EYS: variants seen among roughly 807,000 people sequenced by gnomAD.
The protein encoded by EYS is EGF-like photoreceptor maintenance factor, also known as protein eyes shut homolog.
In EYS, 250 loss-of-function variants were observed where a neutral mutation model predicts 282.1. That is an observed-to-expected ratio of 0.89 (90% CI 0.80 to 0.98). The LOEUF (loss-of-function observed/expected upper bound fraction) is 0.98, where lower values mean the gene tolerates loss of function less well. Among genes scored for constraint, EYS ranks in the 50% least tolerant of loss-of-function variants. EYS has a pLI of 0.00. For missense variants in EYS, 4,016 were observed against 3,709.0 expected (o/e 1.08, Z -2.15); for synonymous variants, 1,355 against 1,282.9 (o/e 1.06, Z -1.20).
intron 22 of EYS, among the ~76,000 whole-genome samples, chr6:64,734,692 A>C (rs1772125692): frequency 6.6e-6 from 1 of 152,186 alleles, no homozygotes; most frequent in Non-Finnish European, 1.5e-5. Context: ...CTACACTAGA[A>C]AGTGTGTATA....
At chr6:64,296,578 ATATATACATATATATATATATTTTTTTT>A (rs1769017145) in intron 30 of EYS, among the ~76,000 whole-genome samples, 5 of 5,930 alleles carry the variant, frequency 8.4e-4, no homozygotes, top group Admixed American at 4.1e-3. Context: ...ATATATATAT[ATATATACATATATATATATATTTTTTTT>A]TTTTTTTTTT....
At chr6:64,563,504 C>T (rs60346144) in intron 26 of EYS, among the ~76,000 whole-genome samples, 4,603 of 152,122 alleles carry the variant, frequency 0.03, 156 homozygotes, top group East Asian at 0.11. Context: ...AATCTTATTA[C>T]TATAATTGAT....
chr6:64,398,439 T>C (rs909671944), intron 28 of EYS, among the ~76,000 whole-genome samples: 2 of 151,920 alleles, frequency 1.3e-5, no homozygotes, highest in Non-Finnish European at 2.9e-5. Flanking sequence ...TTTAATGATA[T>C]TTTCATGACA....
chr6:64,767,181 T>C lies in EYS; in HGVS notation c.3443+46197A>G, dbSNP rs1232555644. On this transcript the variant is annotated intron_variant, in intron 22 of 42. Transcript: ENST00000503581. ...GTACTAATTGTACATATTTATTGTG[T>C]ACTAGTGATGTTTTGATGTATGTAA... Among the ~76,000 whole-genome samples the C allele has an allele frequency of 1.3e-5, 2 of 152,082 alleles. 1 individual carries two copies. The highest frequency in any genetic ancestry group is 4.8e-5 in the African/African-American group (2 of 41,392).
chr6:64,031,137 A>G (rs148980716), intron 33 of EYS, among the ~76,000 whole-genome samples: 5,657 of 152,212 alleles, frequency 0.037, 343 homozygotes, highest in African/African-American at 0.13. Context: ...TGGCTCCCTC[A>G]GCTTGCGGGG....
chr6:64,781,476 C>G (rs1277320327), intron 22 of EYS, among the ~76,000 whole-genome samples: 2 of 150,772 alleles, frequency 1.3e-5, no homozygotes, highest in Admixed American at 1.3e-4. Flanking sequence ...CTTTGGGAGG[C>G]TGAGGCAGGA....
At chr6:65,286,949 G>C (rs1562073339) in intron 12 of EYS, among the ~76,000 whole-genome samples, 1 of 151,510 alleles carries the variant, frequency 6.6e-6, no homozygotes, top group East Asian at 1.9e-4. Context: ...GAATGTGTAA[G>C]AAAATTAAAT....
intron 5 of EYS, among the ~76,000 whole-genome samples, chr6:65,470,217 T>A (rs769173748): frequency 6.6e-6 from 1 of 152,100 alleles, no homozygotes; most frequent in Non-Finnish European, 1.5e-5. Context: ...ACAAGTAAGG[T>A]ATAGACTTAA....
chr6:65,330,836 G>C (rs534897859), intron 11 of EYS: 3 of 936,890 alleles, frequency 3.2e-6, no homozygotes, highest in East Asian at 2.4e-4. Flanking sequence ...TACACATTTA[G>C]AGTCTACTTC....
chr6:63,829,903 G>A (rs927058695), intron 36 of EYS, among the ~76,000 whole-genome samples: 1 of 152,178 alleles, frequency 6.6e-6, no homozygotes, highest in African/African-American at 2.4e-5. Context: ...CTGCCATTCT[G>A]CAATATTTGC....
intron 31 of EYS, among the ~76,000 whole-genome samples, chr6:64,169,008 CAGAA>C (rs890969781): frequency 7.2e-5 from 11 of 152,014 alleles, no homozygotes; most frequent in African/African-American, 2.4e-4. Flanking sequence ...TCTAGAATTC[CAGAA>C]AGAAATTTTT....
At chr6:64,331,237 G>A (rs1277285890) in intron 29 of EYS, among the ~76,000 whole-genome samples, 2 of 152,042 alleles carry the variant, frequency 1.3e-5, no homozygotes, top group Non-Finnish European at 2.9e-5. Context: ...CCATATACAA[G>A]GAAAGAGGAT....
At chr6:65,404,373 C>A (rs1358371223) in intron 6 of EYS, among the ~76,000 whole-genome samples, 1 of 152,028 alleles carries the variant, frequency 6.6e-6, no homozygotes, top group East Asian at 1.9e-4. Context: ...CACATATTCC[C>A]AGGATTAGTG....
At chr6:64,457,981 T>C (rs1007243200) in intron 26 of EYS, among the ~76,000 whole-genome samples, 1 of 152,072 alleles carries the variant, frequency 6.6e-6, no homozygotes, top group South Asian at 2.1e-4. Context: ...CCATGGGGCT[T>C]ATTACATAAA....
chr6:64,443,797 C>T (rs1775031052), intron 26 of EYS, among the ~76,000 whole-genome samples: 1 of 152,118 alleles, frequency 6.6e-6, no homozygotes, highest in African/African-American at 2.4e-5. Flanking sequence ...GATTGTGAGG[C>T]CTCCCCAGCC....
intron 33 of EYS, among the ~76,000 whole-genome samples, chr6:64,026,026 C>A (rs1271953035): frequency 6.6e-6 from 1 of 152,182 alleles, no homozygotes; most frequent in Admixed American, 6.5e-5. Flanking sequence ...GTAGGGACTA[C>A]TAAATCCAAC....
rs143055331 is a variant in EYS at position 64,629,947 on chromosome 6, T to C, written c.3444-3702A>G. On this transcript the variant is annotated intron_variant, in intron 22 of 42. Coordinates refer to ENST00000503581, the MANE Select transcript of EYS (RefSeq NM_001142800.2). ...TCTAGTAGGATATTAAATAGCAGTG[T>C]TGTGAGAGGAAATGTTTGCCTGTAT... Among the ~76,000 whole-genome samples, 834 of 152,276 alleles carry C rather than the reference T, an allele frequency of 5.5e-3. 9 individuals carry two copies. The highest frequency in any genetic ancestry group is 0.019 in the African/African-American group (783 of 41,560).
At chr6:63,794,491 G>A (rs1013380719) in intron 37 of EYS, among the ~76,000 whole-genome samples, 3 of 152,288 alleles carry the variant, frequency 2.0e-5, no homozygotes, top group African/African-American at 7.2e-5. Context: ...GAAATGACTT[G>A]AAGGCATCAT....
At chr6:65,561,425 A>G (rs1233507013) in intron 2 of EYS, among the ~76,000 whole-genome samples, 4 of 152,102 alleles carry the variant, frequency 2.6e-5, no homozygotes. Flanking sequence ...AAATATTTAT[A>G]GTGCAGTCCC....
Sources: allele counts gnomAD v4.1 joint callset (sites outside exome capture counted in the v4.1 genomes callset), GRCh38; gene constraint gnomAD v4.1.1; transcripts MANE v1.5; gene names NCBI Gene and HGNC (gene_info 2026-07-23, HGNC 2026-07-21).